The following PTPRM variants were observed in gnomAD, a reference collection of about 807,000 sequenced individuals.
PTPRM encodes the protein protein tyrosine phosphatase receptor type M, also known as receptor-type tyrosine-protein phosphatase mu.
In PTPRM, 47 loss-of-function variants were observed where a neutral mutation model predicts 186.7. That is an observed-to-expected ratio of 0.25 (90% CI 0.20 to 0.32). The LOEUF is 0.32. Ranked by LOEUF, PTPRM falls within the 10% of genes least tolerant of loss-of-function variation. PTPRM has a pLI of 1.00. For missense variants in PTPRM, 1,494 were observed against 1,865.0 expected (o/e 0.80, Z 3.66); for synonymous variants, 668 against 674.9 (o/e 0.99, Z 0.16).
intron 7 of PTPRM, among the ~76,000 whole-genome samples, chr18:7,980,758 C>T (rs1463153104): frequency 6.6e-6 from 1 of 152,152 alleles, no homozygotes; most frequent in African/African-American, 2.4e-5. Flanking sequence ...GACTCCTTAA[C>T]ACACAGCTCC....
At chr18:7,880,123 C>T (rs1296581764) in intron 2 of PTPRM, among the ~76,000 whole-genome samples, 2 of 152,228 alleles carry the variant, frequency 1.3e-5, no homozygotes, top group East Asian at 3.9e-4. Flanking sequence ...CCCCATGATT[C>T]AATTAACTCC....
chr18:7,795,040 G>A (rs527357249), intron 2 of PTPRM, among the ~76,000 whole-genome samples: 14 of 152,250 alleles, frequency 9.2e-5, no homozygotes, highest in South Asian at 4.1e-4. Context: ...CTCTTCTCTC[G>A]TCAAAAGATC....
chr18:7,988,880 C>T (rs1310201997), intron 7 of PTPRM, among the ~76,000 whole-genome samples: 1 of 152,056 alleles, frequency 6.6e-6, no homozygotes, highest in Non-Finnish European at 1.5e-5. Context: ...CATTAATGTA[C>T]AATATCTGTT....
chr18:7,663,893 C>T (rs895066837), intron 1 of PTPRM, among the ~76,000 whole-genome samples: 1 of 152,086 alleles, frequency 6.6e-6, no homozygotes, highest in Non-Finnish European at 1.5e-5. Context: ...TCCCTCTGCC[C>T]CCCTCCAGCC....
At position 8,114,815 on chromosome 18, in the gene PTPRM, G is replaced by A. The variant is rs1459430365; in HGVS notation, c.2155G>A (p.Val719Met). 2 of 1,611,224 alleles carry A rather than the reference G, an allele frequency of 1.2e-6. No homozygotes were observed. The highest frequency in any genetic ancestry group is 1.7e-6 in the Non-Finnish European group (2 of 1,178,614). ...NGETKIDCVQ[V>M]ATKGAATPKP... ...GGAAACCAAAATAGACTGTGTCCAA[G>A]TGGCCACAAAAGGTAGGTTGAAATT... Residue 719 changes from valine (V) to methionine (M), a missense_variant, in exon 13 of 33, where the codon GTG becomes ATG. This residue lies in a region of PTPRM where 1,107 missense variants were observed against 1,350.2 expected (regional missense o/e 0.82). Coordinates refer to ENST00000580170, the MANE Select transcript of PTPRM (RefSeq NM_001105244.2).
chr18:7,823,921 A>G (rs569536788), intron 2 of PTPRM, among the ~76,000 whole-genome samples: 1 of 152,264 alleles, frequency 6.6e-6, no homozygotes, highest in South Asian at 2.1e-4. Flanking sequence ...GTCCCTCTAG[A>G]GAACCCTGAC....
intron 1 of PTPRM, among the ~76,000 whole-genome samples, chr18:7,684,924 A>G (rs1184281946): frequency 1.3e-5 from 2 of 152,196 alleles, no homozygotes; most frequent in Non-Finnish European, 2.9e-5. Context: ...AGGAATCTCT[A>G]TACTGTTTTC....
chr18:8,111,388 G>A (rs879788764), intron 11 of PTPRM, among the ~76,000 whole-genome samples: 18 of 152,194 alleles, frequency 1.2e-4, no homozygotes, highest in African/African-American at 2.4e-4. Flanking sequence ...CGAGGCGGGC[G>A]GATCACGATG....
chr18:7,855,532 C>G (rs2047055955), intron 2 of PTPRM, among the ~76,000 whole-genome samples: 1 of 152,188 alleles, frequency 6.6e-6, no homozygotes, highest in South Asian at 2.1e-4. Flanking sequence ...AGAAACTGAC[C>G]TTCCTTTGAA....
At chr18:8,323,856 GA>G (rs1310474201) in intron 22 of PTPRM, among the ~76,000 whole-genome samples, 2 of 152,038 alleles carry the variant, frequency 1.3e-5, no homozygotes, top group African/African-American at 2.4e-5. Context: ...GGAAGACACA[GA>G]ACTTCCTTCA....
chr18:7,933,255 T>G (rs1298195714), intron 5 of PTPRM, among the ~76,000 whole-genome samples: 1 of 152,128 alleles, frequency 6.6e-6, no homozygotes, highest in Non-Finnish European at 1.5e-5. Context: ...TTCCTTCAAG[T>G]GAAAAGGTGA....
chr18:7,930,244 A>AT (rs1398094455), intron 5 of PTPRM, among the ~76,000 whole-genome samples: 2 of 151,840 alleles, frequency 1.3e-5, no homozygotes, highest in African/African-American at 4.8e-5. Context: ...AATTTTTTGT[A>AT]TTTTTTGTAG....
intron 1 of PTPRM, among the ~76,000 whole-genome samples, chr18:7,656,230 A>T (rs1409523336): frequency 2.6e-5 from 4 of 152,244 alleles, no homozygotes; most frequent in Admixed American, 6.5e-5. Context: ...TATTCCTTTG[A>T]TGTAATATTA....
At chr18:7,999,063 A>T (rs2147743317) in intron 7 of PTPRM, among the ~76,000 whole-genome samples, 1 of 152,350 alleles carries the variant, frequency 6.6e-6, no homozygotes, top group South Asian at 2.1e-4. Context: ...TAGCATCACA[A>T]GTAGTCAGAG....
intron 1 of PTPRM, among the ~76,000 whole-genome samples, chr18:7,598,342 G>C (rs1412843713): frequency 1.3e-5 from 2 of 152,162 alleles, no homozygotes; most frequent in Non-Finnish European, 2.9e-5. Flanking sequence ...GCTTGTGATT[G>C]TGTTTCTAGT....
intron 32 of PTPRM, 115 bp downstream of exon 32, chr18:8,394,726 T>C (rs756324459): frequency 1.7e-6 from 2 of 1,155,084 alleles, no homozygotes; most frequent in Non-Finnish European, 2.3e-6. Flanking sequence ...ATTTTCAAAA[T>C]CACAATGTAA....
chr18:8,138,377 G>T (rs537555039), intron 13 of PTPRM, among the ~76,000 whole-genome samples: 1 of 151,842 alleles, frequency 6.6e-6, no homozygotes, highest in East Asian at 1.9e-4. Flanking sequence ...TCTCTCTCAC[G>T]CCTTAGCCCC....
intron 2 of PTPRM, among the ~76,000 whole-genome samples, chr18:7,784,215 T>C (rs1462726882): frequency 2.6e-5 from 4 of 152,156 alleles, no homozygotes; most frequent in Non-Finnish European, 1.5e-5. Flanking sequence ...GCCTAGATTA[T>C]CCTTTTCACT....
At chr18:7,892,725 T>G (rs774974811) in intron 3 of PTPRM, among the ~76,000 whole-genome samples, 20 of 152,332 alleles carry the variant, frequency 1.3e-4, no homozygotes, top group Middle Eastern at 3.4e-3. Context: ...ATTTCTCACA[T>G]TTCTAGTTTG....
Sources: gnomAD v4.1 joint callset for allele counts (sites outside exome capture counted in the v4.1 genomes callset) on GRCh38, gnomAD v4.1.1 for gene constraint, gnomAD v4.1.1 regional missense constraint, MANE v1.5 for transcripts, NCBI Gene and HGNC (gene_info 2026-07-23, HGNC 2026-07-21) for gene names.